Variants in GLIS3 observed in about 807,000 individuals in gnomAD.
GLIS3 encodes the protein GLIS family zinc finger 3.
Under a neutral mutation model 78.6 loss-of-function variants are expected in GLIS3, and 53 were observed. That is an observed-to-expected ratio of 0.67 (90% CI 0.54 to 0.85). The LOEUF is 0.85. GLIS3 is among the 40% of genes least tolerant of loss of function. The pLI is 0.00. For synonymous variants in GLIS3, 684 were observed against 509.9 expected, an observed-to-expected ratio of 1.34 and a Z score of -4.60; for missense variants, 1,703 against 1,231.1, an observed-to-expected ratio of 1.38 and a Z score of -5.74.
Position 4,118,213 on chromosome 9 carries a change from C to A in GLIS3, c.1265G>T (p.Ser422Ile). ...GGTCTTGAACAGGCCGGCCGACTGG[C>A]TGTCGGGGCCCGGCAGGCCATGCTG... ...VVQHGLPGPD[S>I]QSAGLFKTER... The change falls in exon 4 of 11, where the codon AGC becomes ATC. Residue 422 changes from serine to isoleucine, a missense_variant. Coordinates refer to ENST00000381971, the MANE Select transcript of GLIS3 (RefSeq NM_001042413.2). This position sits in a 1 kb window ranked among gnomAD's most constrained non-coding sequence, Gnocchi z 4.7. 6.3e-7 allele frequency: 1 copy of A among 1,584,746 alleles called. No homozygotes were observed. Among genetic ancestry groups the A allele is most frequent in the Non-Finnish European group, 8.6e-7 (1 of 1,165,604 alleles).
chr9:4,371,669 T>G, the GLIS3 span, among the ~76,000 whole-genome samples: 77 of 152,208 alleles, frequency 5.1e-4, no homozygotes, highest in African/African-American at 1.8e-3. Context: ...GCCCCCTGCC[T>G]CATCTCTCTC....
intron 2 of GLIS3, among the ~76,000 whole-genome samples, chr9:4,151,686 G>GA (rs1258846927): frequency 3.3e-5 from 5 of 152,192 alleles, no homozygotes; most frequent in African/African-American, 7.2e-5. Context: ...TTGTTCTAAG[G>GA]AAAAAATCTG....
At chr9:4,301,039 C>A (rs543694620), upstream of GLIS3, among the ~76,000 whole-genome samples, 4 of 152,196 alleles carry the variant, frequency 2.6e-5, no homozygotes, top group East Asian at 7.7e-4. Flanking sequence ...CAGAAGTCCT[C>A]AAGGACACAA....
the GLIS3 span, among the ~76,000 whole-genome samples, chr9:4,437,650 T>A: frequency 1.3e-5 from 2 of 152,078 alleles, no homozygotes; most frequent in African/African-American, 4.8e-5. Context: ...TACGCAGATT[T>A]TTTTCAATAA....
intron 2 of GLIS3, among the ~76,000 whole-genome samples, chr9:4,141,925 G>A (rs1324999482): frequency 6.6e-6 from 1 of 152,210 alleles, no homozygotes; most frequent in East Asian, 1.9e-4. Context: ...AAGAGAACTA[G>A]AGTAATGTAA....
chr9:4,268,271 G>A (rs1260108931), intron 2 of GLIS3, among the ~76,000 whole-genome samples: 2 of 152,040 alleles, frequency 1.3e-5, no homozygotes, highest in African/African-American at 4.8e-5. Flanking sequence ...ACTCCACTGG[G>A]TTTTTGACAG....
At chr9:3,835,572 C>T (rs1013011418) in intron 9 of GLIS3, among the ~76,000 whole-genome samples, 8 of 152,210 alleles carry the variant, frequency 5.3e-5, no homozygotes, top group Non-Finnish European at 8.8e-5. Flanking sequence ...TATTGTTTGA[C>T]TTTTCAGAAG....
intron 2 of GLIS3, among the ~76,000 whole-genome samples, chr9:4,216,267 T>C (rs1461095894): frequency 2.0e-5 from 3 of 151,546 alleles, no homozygotes; most frequent in African/African-American, 7.3e-5. Context: ...GGTCAGGAAA[T>C]CGAGACCATC....
intron 2 of GLIS3, among the ~76,000 whole-genome samples, chr9:4,341,112 A>G (rs1308812729): frequency 6.6e-6 from 1 of 152,186 alleles, no homozygotes; most frequent in Non-Finnish European, 1.5e-5. Context: ...GTATGCTTAG[A>G]ACTTATGTGT....
chr9:4,395,274 C>T, the GLIS3 span, among the ~76,000 whole-genome samples: 1 of 152,174 alleles, frequency 6.6e-6, no homozygotes, highest in East Asian at 1.9e-4. Context: ...TTCATTGACT[C>T]ATAATTATTT....
chr9:4,143,673 C>A (rs559470713), intron 2 of GLIS3, among the ~76,000 whole-genome samples: 4 of 152,204 alleles, frequency 2.6e-5, no homozygotes, highest in Non-Finnish European at 5.9e-5. Flanking sequence ...ATCTCCAGAA[C>A]TTATTCGTCT....
chr9:3,885,819 A>C (rs1822038381), intron 7 of GLIS3, among the ~76,000 whole-genome samples: 1 of 152,216 alleles, frequency 6.6e-6, no homozygotes, highest in Admixed American at 6.5e-5. Flanking sequence ...TTATAGAGAC[A>C]TTGTCAGTGT....
intron 4 of GLIS3, among the ~76,000 whole-genome samples, chr9:4,078,897 T>G (rs928115848): frequency 2.6e-5 from 4 of 152,000 alleles, no homozygotes; most frequent in Non-Finnish European, 5.9e-5. Flanking sequence ...ATGCCTCCCC[T>G]CTGTCCCCCG....
the GLIS3 span, among the ~76,000 whole-genome samples, chr9:4,445,056 C>A: frequency 2.0e-5 from 3 of 152,044 alleles, no homozygotes; most frequent in African/African-American, 7.2e-5. Flanking sequence ...TTATTTTAAT[C>A]ATTATGCATC....
rs557757405 is a variant in GLIS3, at chr9:4,022,588, G to C, written c.1711-85399C>G. Among the ~76,000 whole-genome samples the C allele has an allele frequency of 1.4e-4, 21 of 152,250 alleles. No homozygotes were observed. In the South Asian group the frequency reaches 1.7e-3, roughly 12 times the overall value. On this transcript the variant is annotated intron_variant, in intron 4 of 10. Transcript: ENST00000381971. ...CTCATTCCTAGTAATTTGCCCCAGA[G>C]AAATGCAAACATCTGTCCACAGTGA...
At chr9:4,372,798 T>A in the GLIS3 span, among the ~76,000 whole-genome samples, 3 of 152,170 alleles carry the variant, frequency 2.0e-5, no homozygotes, top group African/African-American at 7.2e-5. Flanking sequence ...TGAAGGAATC[T>A]TGTGCTATTA....
chr9:3,882,140 A>G (rs931849775), intron 7 of GLIS3, among the ~76,000 whole-genome samples: 2 of 152,244 alleles, frequency 1.3e-5, no homozygotes, highest in African/African-American at 4.8e-5. Flanking sequence ...CTGGGACAGG[A>G]AACAAGACAT....
At chr9:4,450,697 C>A in the GLIS3 span, among the ~76,000 whole-genome samples, 4 of 152,210 alleles carry the variant, frequency 2.6e-5, no homozygotes, top group Non-Finnish European at 5.9e-5. Context: ...CAATATTCGA[C>A]ATTCTTAAAG....
rs1269408781 is a variant in GLIS3 at position 4,195,259 on chromosome 9, G to A, written c.389-69318C>T. 2.0e-5 allele frequency among the ~76,000 whole-genome samples: 3 copies of A among 150,606 alleles called. No individual in the cohort carries two copies. The East Asian group carries it at 5.8e-4, about 29-fold the overall frequency. ...GGGAGCCCCTGTCTGGGCTGGTTGA[G>A]GCCAGAGCTGCTCCCTTGGCTTGCA... On this transcript the variant is annotated intron_variant, in intron 2 of 10. Coordinates refer to ENST00000381971, the MANE Select transcript of GLIS3 (RefSeq NM_001042413.2).
Sources: allele counts gnomAD v4.1 joint callset (sites outside exome capture counted in the v4.1 genomes callset), GRCh38; gene constraint gnomAD v4.1.1; non-coding constraint Gnocchi (gnomAD v3.1); transcripts MANE v1.5; gene names NCBI Gene and HGNC (gene_info 2026-07-23, HGNC 2026-07-21).